Variants in CDH8 observed in about 807,000 individuals in gnomAD.
The protein encoded by CDH8 is cadherin 8.
Under a neutral mutation model 68.1 loss-of-function variants are expected in CDH8, and 17 were observed. The observed-to-expected ratio is 0.25, with a 90% confidence interval of 0.17 to 0.37. The LOEUF (loss-of-function observed/expected upper bound fraction) is 0.37. CDH8 is among the 10% of genes least tolerant of loss of function. CDH8 has a pLI of 1.00. For missense variants in CDH8, 763 were observed against 999.3 expected, an observed-to-expected ratio of 0.76 and a Z score of 3.19; for synonymous variants, 372 against 365.1, an observed-to-expected ratio of 1.02 and a Z score of -0.21.
intron 3 of CDH8, among the ~76,000 whole-genome samples, chr16:61,885,472 C>T (rs1165129940): frequency 6.6e-6 from 1 of 152,170 alleles, no homozygotes; most frequent in African/African-American, 2.4e-5. Flanking sequence ...CACATGGTCT[C>T]ACTTGCTTCG....
chr16:61,710,579 A>T (rs1964612399), intron 10 of CDH8, among the ~76,000 whole-genome samples: 1 of 152,112 alleles, frequency 6.6e-6, no homozygotes, highest in South Asian at 2.1e-4. Flanking sequence ...TAACCAAACT[A>T]TAACTAAATC....
At chr16:62,012,729 A>G (rs1465909535) in intron 2 of CDH8, among the ~76,000 whole-genome samples, 1 of 152,200 alleles carries the variant, frequency 6.6e-6, no homozygotes, top group Non-Finnish European at 1.5e-5. Context: ...ATATTGATAT[A>G]TTTCCTTACA....
rs1040145117 is a variant in CDH8, at chr16:61,647,452, G to C, written c.*6156C>G. 1 of 142,394 alleles carries C rather than the reference G, an allele frequency of 7.0e-6. No individual in the cohort carries two copies. Among genetic ancestry groups the C allele is most frequent in the South Asian group, 1.8e-4 (1 of 5,658 alleles). The allele number at this position is 142,394 out of a possible 1,614,324, so 8.8% of individuals were successfully genotyped here. A position where few individuals can be genotyped will look rare whatever the true frequency, so the allele number is the denominator to read the frequency against. On this transcript the variant is annotated 3_prime_UTR_variant, in exon 12 of 12. Transcript: ENST00000577390. Reference sequence around the variant, plus strand: ...ATTCGACATATTTGTAGTTAAAGCAGAGTAACGTTGGAAAGGTGGGGGGGG... The same window carrying C: ...ATTCGACATATTTGTAGTTAAAGCACAGTAACGTTGGAAAGGTGGGGGGGG...
intron 4 of CDH8, among the ~76,000 whole-genome samples, chr16:61,830,442 T>C (rs1168118460): frequency 6.6e-6 from 1 of 151,832 alleles, no homozygotes; most frequent in African/African-American, 2.4e-5. Context: ...TTTCAACTTT[T>C]ATTCTAAAAA....
At chr16:61,694,611 G>T (rs1964291686) in intron 10 of CDH8, among the ~76,000 whole-genome samples, 1 of 152,108 alleles carries the variant, frequency 6.6e-6, no homozygotes, top group African/African-American at 2.4e-5. Context: ...TCGTATGGGG[G>T]TAAGATAGGG....
At chr16:62,000,339 AT>A (rs1403579544) in intron 2 of CDH8, among the ~76,000 whole-genome samples, 6 of 152,146 alleles carry the variant, frequency 3.9e-5, no homozygotes, top group Non-Finnish European at 5.9e-5. Context: ...GCTGGGTCAA[AT>A]GGTATTTCTG....
intron 2 of CDH8, among the ~76,000 whole-genome samples, chr16:61,964,671 C>T (rs773141009): frequency 9.9e-5 from 15 of 151,976 alleles, no homozygotes; most frequent in South Asian, 2.1e-4. Context: ...CTCTGGGCCT[C>T]GGTCTGCCCT....
chr16:61,804,733 T>G (rs1326711032), intron 7 of CDH8, among the ~76,000 whole-genome samples: 1 of 147,478 alleles, frequency 6.8e-6, no homozygotes, highest in Non-Finnish European at 1.5e-5. Flanking sequence ...AATGGATACA[T>G]TCCTCGACAC....
intron 2 of CDH8, among the ~76,000 whole-genome samples, chr16:62,015,544 AAG>A (rs1445992230): frequency 1.3e-5 from 2 of 152,180 alleles, no homozygotes; most frequent in African/African-American, 4.8e-5. Flanking sequence ...GTAGAATTAA[AAG>A]AGAAAGAAGC....
At chr16:61,911,824 A>C (rs1964167959) in intron 2 of CDH8, among the ~76,000 whole-genome samples, 1 of 152,152 alleles carries the variant, frequency 6.6e-6, no homozygotes, top group Non-Finnish European at 1.5e-5. Context: ...TCAGCCAAAC[A>C]AAAGAAGTGG....
At chr16:61,764,284 A>G (rs1960536614) in intron 8 of CDH8, among the ~76,000 whole-genome samples, 1 of 152,110 alleles carries the variant, frequency 6.6e-6, no homozygotes, top group African/African-American at 2.4e-5. Flanking sequence ...TTCTTCAATG[A>G]AAGAAGTGAG....
intron 1 of CDH8, among the ~76,000 whole-genome samples, chr16:62,029,366 T>A (rs1430578881): frequency 6.6e-6 from 1 of 152,212 alleles, no homozygotes; most frequent in African/African-American, 2.4e-5. Context: ...TAAAGTAACT[T>A]TTTTAAACTC....
At chr16:62,016,479 A>G (rs900128858) in intron 2 of CDH8, among the ~76,000 whole-genome samples, 1 of 152,196 alleles carries the variant, frequency 6.6e-6, no homozygotes, top group African/African-American at 2.4e-5. Flanking sequence ...GTATCTGCAC[A>G]TTTTACCACA....
At chr16:61,966,662 A>C (rs1460598890) in intron 2 of CDH8, among the ~76,000 whole-genome samples, 1 of 152,244 alleles carries the variant, frequency 6.6e-6, no homozygotes, top group African/African-American at 2.4e-5. Context: ...TCCAATAAGA[A>C]CACTTAAGAA....
At chr16:61,989,890 C>G (rs545026634) in intron 2 of CDH8, among the ~76,000 whole-genome samples, 1 of 152,216 alleles carries the variant, frequency 6.6e-6, no homozygotes, top group South Asian at 2.1e-4. Context: ...TGAATTTTGT[C>G]TTTGGGAGAA....
intron 2 of CDH8, among the ~76,000 whole-genome samples, chr16:61,915,565 T>G (rs780314588): frequency 6.6e-6 from 1 of 152,176 alleles, no homozygotes; most frequent in Non-Finnish European, 1.5e-5. Context: ...AAGATAAAAG[T>G]CAGCACCTGA....
chr16:61,996,328 A>G (rs370985326), intron 2 of CDH8, among the ~76,000 whole-genome samples: 1 of 152,212 alleles, frequency 6.6e-6, no homozygotes, highest in African/African-American at 2.4e-5. Context: ...CAAACTCTGC[A>G]CATGGGGACA....
intron 6 of CDH8, among the ~76,000 whole-genome samples, chr16:61,818,666 A>G (rs1291502261): frequency 1.3e-5 from 2 of 152,206 alleles, no homozygotes; most frequent in South Asian, 4.1e-4. Context: ...TAGCACCTTT[A>G]TAGCCCAATT....
chr16:61,914,362 T>C (rs1277323898), intron 2 of CDH8, among the ~76,000 whole-genome samples: 1 of 152,200 alleles, frequency 6.6e-6, no homozygotes, highest in Non-Finnish European at 1.5e-5. Flanking sequence ...TTTGCAGTGA[T>C]ACTATGCATA....
Sources: allele counts gnomAD v4.1 joint callset (sites outside exome capture counted in the v4.1 genomes callset), GRCh38; gene constraint gnomAD v4.1.1; transcripts MANE v1.5; gene names NCBI Gene and HGNC (gene_info 2026-07-23, HGNC 2026-07-21).